Variants in LRRC4C observed in about 807,000 individuals in gnomAD.
The protein encoded by LRRC4C is leucine rich repeat containing 4C.
In LRRC4C, 5 loss-of-function variants were observed where a neutral mutation model predicts 33.6. The ratio of observed to expected loss-of-function variants is 0.15; its 90% CI spans 0.08 to 0.31. LRRC4C has a LOEUF of 0.31. LRRC4C is among the 10% of genes least tolerant of loss of function. The probability of loss-of-function intolerance (pLI) is 1.00; values close to 1 mark genes in which losing one functional copy is unlikely to be tolerated. For synonymous variants in LRRC4C, 329 were observed against 302.0 expected, an observed-to-expected ratio of 1.09 and a Z score of -0.93; for missense variants, 560 against 796.7, an observed-to-expected ratio of 0.70 and a Z score of 3.58.
chr11:41,377,971 T>C (rs922556816), intron 1 of LRRC4C, among the ~76,000 whole-genome samples: 13 of 152,142 alleles, frequency 8.5e-5, no homozygotes, highest in African/African-American at 3.1e-4. Context: ...TTAATCCGGG[T>C]TAATATTGAG....
intron 2 of LRRC4C, among the ~76,000 whole-genome samples, chr11:40,813,802 C>A (rs150448432): frequency 6.6e-6 from 1 of 152,094 alleles, no homozygotes; most frequent in Non-Finnish European, 1.5e-5. Context: ...GGGCTACTGG[C>A]CCCACACAAG....
intron 1 of LRRC4C, among the ~76,000 whole-genome samples, chr11:41,244,830 A>G (rs901294499): frequency 6.6e-6 from 1 of 152,170 alleles, no homozygotes; most frequent in East Asian, 1.9e-4. Context: ...GGGCTATAGC[A>G]TACTGCAGGC....
At chr11:40,417,113 CTT>C (rs1332038816) in intron 3 of LRRC4C, among the ~76,000 whole-genome samples, 1 of 152,172 alleles carries the variant, frequency 6.6e-6, no homozygotes, top group Non-Finnish European at 1.5e-5. Context: ...AAGAGATAGA[CTT>C]TGTTTCATTA....
intron 5 of LRRC4C, among the ~76,000 whole-genome samples, chr11:40,228,522 A>G (rs1213242659): frequency 6.6e-6 from 1 of 152,192 alleles, no homozygotes; most frequent in Middle Eastern, 3.2e-3. Context: ...GCTGAAAGCT[A>G]TTATGCTATA....
At chr11:41,289,181 C>T (rs1004983793) in intron 1 of LRRC4C, among the ~76,000 whole-genome samples, 1 of 152,120 alleles carries the variant, frequency 6.6e-6, no homozygotes, top group Non-Finnish European at 1.5e-5. Context: ...TTTGTAATTT[C>T]TCTTTAATGA....
chr11:40,447,414 T>A (rs1951686936), intron 3 of LRRC4C, among the ~76,000 whole-genome samples: 1 of 152,174 alleles, frequency 6.6e-6, no homozygotes, highest in Non-Finnish European at 1.5e-5. Context: ...ACATGTTTGC[T>A]CGTCTTCAGA....
chr11:41,256,998 A>G (rs1948822843), intron 1 of LRRC4C, among the ~76,000 whole-genome samples: 1 of 152,024 alleles, frequency 6.6e-6, no homozygotes, highest in Non-Finnish European at 1.5e-5. Flanking sequence ...CTTGATAGAA[A>G]ATACAAAAAT....
intron 1 of LRRC4C, among the ~76,000 whole-genome samples, chr11:41,173,117 C>G (rs762731272): frequency 1.3e-5 from 2 of 152,130 alleles, no homozygotes; most frequent in African/African-American, 4.8e-5. Flanking sequence ...GTCTCCTGGA[C>G]ACCATTTTAA....
chr11:40,392,158 G>A (rs1949363056), intron 3 of LRRC4C, among the ~76,000 whole-genome samples: 1 of 152,160 alleles, frequency 6.6e-6, no homozygotes, highest in African/African-American at 2.4e-5. Flanking sequence ...AGGTAAGCAG[G>A]AGGGATGAAT....
chr11:41,192,237 A>T (rs1361607098), intron 1 of LRRC4C, among the ~76,000 whole-genome samples: 1 of 152,060 alleles, frequency 6.6e-6, no homozygotes, highest in East Asian at 1.9e-4. Context: ...TCATGCTTGC[A>T]TGTAAGCCCC....
intron 3 of LRRC4C, among the ~76,000 whole-genome samples, chr11:40,427,830 A>T (rs563579416): frequency 6.6e-6 from 1 of 152,172 alleles, no homozygotes; most frequent in East Asian, 1.9e-4. Context: ...ACTGTCTTAA[A>T]AAAACAAAAG....
At chr11:40,694,961 TA>T (rs1945417237) in intron 2 of LRRC4C, among the ~76,000 whole-genome samples, 1 of 152,176 alleles carries the variant, frequency 6.6e-6, no homozygotes, top group African/African-American at 2.4e-5. Context: ...TTTCTATATT[TA>T]TTTCCTGACT....
At chr11:41,014,222 T>A (rs1855416999) in intron 1 of LRRC4C, among the ~76,000 whole-genome samples, 1 of 152,178 alleles carries the variant, frequency 6.6e-6, no homozygotes. Flanking sequence ...TCTAATGCCA[T>A]CACCTTGGAG....
intron 4 of LRRC4C, among the ~76,000 whole-genome samples, chr11:40,278,013 C>T (rs955453179): frequency 3.3e-5 from 5 of 152,280 alleles, no homozygotes; most frequent in South Asian, 2.1e-4. Flanking sequence ...GTTATTTGTT[C>T]TCCCATAGCT....
intron 2 of LRRC4C, among the ~76,000 whole-genome samples, chr11:40,817,788 T>G (rs891268940): frequency 1.3e-5 from 2 of 152,152 alleles, no homozygotes; most frequent in African/African-American, 4.8e-5. Flanking sequence ...TTTTCTCTTT[T>G]CTCACTGCCA....
chr11:40,764,959 G>A (rs936751448), intron 2 of LRRC4C, among the ~76,000 whole-genome samples: 2 of 152,094 alleles, frequency 1.3e-5, no homozygotes, highest in Admixed American at 1.3e-4. Flanking sequence ...TGAATTATTG[G>A]AAAGCCTTCC....
intron 2 of LRRC4C, among the ~76,000 whole-genome samples, chr11:40,886,154 C>T (rs938678269): frequency 1.3e-5 from 2 of 151,952 alleles, no homozygotes; most frequent in African/African-American, 4.8e-5. Context: ...TATCTAAATT[C>T]TATCAATTAT....
At chr11:41,163,749 T>C (rs975468055) in intron 1 of LRRC4C, among the ~76,000 whole-genome samples, 8 of 151,858 alleles carry the variant, frequency 5.3e-5, no homozygotes, top group Non-Finnish European at 8.8e-5. Flanking sequence ...GTAGCTGGGA[T>C]TACAGGTGCC....
intron 3 of LRRC4C, among the ~76,000 whole-genome samples, chr11:40,494,305 C>T (rs138182462): frequency 1.3e-5 from 2 of 152,224 alleles, no homozygotes; most frequent in East Asian, 1.9e-4. Context: ...ATATTATATC[C>T]TGTAATTTCT....
Sources: allele counts gnomAD v4.1 joint callset (sites outside exome capture counted in the v4.1 genomes callset), GRCh38; gene constraint gnomAD v4.1.1; transcripts MANE v1.5; gene names NCBI Gene and HGNC (gene_info 2026-07-23, HGNC 2026-07-21).